MTUS2: variants seen among roughly 807,000 people sequenced by gnomAD.
MTUS2 encodes the protein microtubule associated scaffold protein 2, also known as microtubule-associated tumor suppressor candidate 2.
A neutral mutation model predicts 114.1 loss-of-function variants in MTUS2; 40 were observed. The ratio of observed to expected loss-of-function variants is 0.35; its 90% CI spans 0.27 to 0.46. MTUS2 has a LOEUF of 0.46. MTUS2 is among the 20% of genes least tolerant of loss of function. The pLI is 1.00. For missense variants in MTUS2, 1,679 were observed against 1,705.4 expected (o/e 0.98, Z 0.27); for synonymous variants, 688 against 672.0 (o/e 1.02, Z -0.37).
chr13:28,941,398 A>G (rs1882226707), intron 2 of MTUS2, among the ~76,000 whole-genome samples: 1 of 152,158 alleles, frequency 6.6e-6, no homozygotes, highest in Non-Finnish European at 1.5e-5. Flanking sequence ...TTATGAATAT[A>G]ATACGTAAAT....
chr13:29,359,770 G>A (rs1430340474), intron 8 of MTUS2, among the ~76,000 whole-genome samples: 1 of 152,114 alleles, frequency 6.6e-6, no homozygotes, highest in East Asian at 1.9e-4. Context: ...TTTGAAGGTG[G>A]GATCTTTGCA....
At chr13:29,297,384 T>C (rs964320649) in intron 6 of MTUS2, among the ~76,000 whole-genome samples, 1 of 152,222 alleles carries the variant, frequency 6.6e-6, no homozygotes, top group African/African-American at 2.4e-5. Flanking sequence ...TCATGCAGTA[T>C]TCTTAGGGCT....
At chr13:29,101,274 C>G (rs373753099) in intron 5 of MTUS2, among the ~76,000 whole-genome samples, 2 of 151,844 alleles carry the variant, frequency 1.3e-5, no homozygotes, top group African/African-American at 2.4e-5. Context: ...AAAGAAAGAT[C>G]CAAGAAAGGT....
At chr13:29,248,147 A>G (rs1430745406) in intron 5 of MTUS2, among the ~76,000 whole-genome samples, 1 of 152,016 alleles carries the variant, frequency 6.6e-6, no homozygotes, top group Non-Finnish European at 1.5e-5. Flanking sequence ...TAGCACCAGA[A>G]TGGAAAACCA....
intron 2 of MTUS2, among the ~76,000 whole-genome samples, chr13:28,859,451 C>T (rs550212884): frequency 9.9e-5 from 15 of 152,190 alleles, no homozygotes; most frequent in Non-Finnish European, 1.9e-4. Flanking sequence ...CATTCGTAAG[C>T]TGGCCCTATC....
intron 5 of MTUS2, among the ~76,000 whole-genome samples, chr13:29,200,428 C>T (rs1435476719): frequency 1.3e-5 from 2 of 150,608 alleles, no homozygotes; most frequent in African/African-American, 4.9e-5. Context: ...TTATTTATTT[C>T]TGCCTTAATT....
At chr13:29,406,622 A>G (rs1255087251) in intron 8 of MTUS2, among the ~76,000 whole-genome samples, 1 of 152,160 alleles carries the variant, frequency 6.6e-6, no homozygotes, top group Non-Finnish European at 1.5e-5. Flanking sequence ...TACTGGTGAC[A>G]CAGACCAAAC....
chr13:28,838,697 A>G (rs940733809), intron 1 of MTUS2, among the ~76,000 whole-genome samples: 12 of 152,072 alleles, frequency 7.9e-5, no homozygotes. Context: ...TCCAGCCCTC[A>G]GCTTTTCTTT....
intron 2 of MTUS2, among the ~76,000 whole-genome samples, chr13:28,973,232 T>A (rs55729817): frequency 0.054 from 8,163 of 152,252 alleles, 755 homozygotes; most frequent in African/African-American, 0.19. Flanking sequence ...TTATTTAAAA[T>A]TTTTCACTCT....
intron 2 of MTUS2, among the ~76,000 whole-genome samples, chr13:28,952,994 A>AT (rs1566248115): frequency 1.3e-5 from 2 of 152,180 alleles, no homozygotes; most frequent in African/African-American, 2.4e-5. Flanking sequence ...TGCTTCTAAA[A>AT]TTTTTTTAAC....
At chr13:29,290,532 G>C (rs187146608) in intron 6 of MTUS2, among the ~76,000 whole-genome samples, 15 of 151,924 alleles carry the variant, frequency 9.9e-5, no homozygotes, top group African/African-American at 3.6e-4. Context: ...GGGTTTCACC[G>C]CATTAGCCAG....
chr13:28,892,648 G>A (rs1879001412), intron 2 of MTUS2, among the ~76,000 whole-genome samples: 1 of 152,058 alleles, frequency 6.6e-6, no homozygotes, highest in African/African-American at 2.4e-5. Context: ...TCTGGATTGG[G>A]CATTTTTTCC....
chr13:29,322,473 G>A (rs972405004), intron 6 of MTUS2, among the ~76,000 whole-genome samples: 10 of 152,204 alleles, frequency 6.6e-5, no homozygotes, highest in African/African-American at 1.9e-4. Context: ...AAAGAAGCCC[G>A]GAGGAGAGCA....
intron 2 of MTUS2, among the ~76,000 whole-genome samples, chr13:29,001,061 T>A (rs910369770): frequency 6.6e-6 from 1 of 152,214 alleles, no homozygotes. Flanking sequence ...CACATGCTTA[T>A]CTCTCATTCC....
In MTUS2 at chr13:29,025,431, A is replaced by G. The variant is rs762156825; in HGVS notation, c.733A>G (p.Lys245Glu). Reference sequence around the variant, plus strand: ...AGAGGGAAAGAGTGTGCGTCATCCTAAACCATCTACCTCAGAAAGCAAGCA... The same window carrying G: ...AGAGGGAAAGAGTGTGCGTCATCCTGAACCATCTACCTCAGAAAGCAAGCA... ...TSEGKSVRHP[K>E]PSTSESKQST... The change falls in exon 3 of 16, where the codon AAA becomes GAA. Residue 245 changes from lysine (K) to glutamate (E), a missense_variant. Transcript: ENST00000612955. The G allele has an allele frequency of 1.9e-6, 3 of 1,611,214 alleles. No individual in the cohort carries two copies. Among genetic ancestry groups the G allele is most frequent in the Non-Finnish European group, 2.5e-6 (3 of 1,178,926 alleles).
At chr13:28,863,912 T>C (rs1877140990) in intron 2 of MTUS2, among the ~76,000 whole-genome samples, 1 of 152,140 alleles carries the variant, frequency 6.6e-6, no homozygotes, top group Non-Finnish European at 1.5e-5. Context: ...CCCAGGTTAG[T>C]CTTGAGCTCC....
intron 2 of MTUS2, among the ~76,000 whole-genome samples, chr13:28,956,372 A>G (rs952748608): frequency 6.6e-6 from 1 of 151,992 alleles, no homozygotes; most frequent in East Asian, 1.9e-4. Flanking sequence ...ATGGTGCCAC[A>G]TCAGTTCAAT....
At chr13:29,392,981 C>T (rs1164048864) in intron 8 of MTUS2, among the ~76,000 whole-genome samples, 1 of 152,088 alleles carries the variant, frequency 6.6e-6, no homozygotes, top group Non-Finnish European at 1.5e-5. Flanking sequence ...ATGATTTTAA[C>T]CAAAAGAAGA....
intron 4 of MTUS2, among the ~76,000 whole-genome samples, chr13:29,057,730 C>A (rs326526): frequency 0.36 from 55,056 of 151,904 alleles, 10,133 homozygotes; most frequent in Admixed American, 0.4. Flanking sequence ...AGCATACAGT[C>A]AGGTTTTAGT....
Sources: allele counts gnomAD v4.1 joint callset (sites outside exome capture counted in the v4.1 genomes callset), GRCh38; gene constraint gnomAD v4.1.1; transcripts MANE v1.5; gene names NCBI Gene and HGNC (gene_info 2026-07-23, HGNC 2026-07-21).